Variants in AP3S1 observed in about 807,000 individuals in gnomAD.
AP3S1 encodes adaptor related protein complex 3 subunit sigma 1, also known as AP-3 complex subunit sigma-1.
Under a neutral mutation model 21.3 loss-of-function variants are expected in AP3S1, and 12 were observed. The ratio of observed to expected loss-of-function variants is 0.56; its 90% CI spans 0.36 to 0.91. The LOEUF (loss-of-function observed/expected upper bound fraction) is 0.91, where lower values mean the gene tolerates loss of function less well. Among genes scored for constraint, AP3S1 ranks in the 40% least tolerant of loss-of-function variants. The pLI is 0.01. For missense variants in AP3S1, 116 were observed against 225.0 expected (o/e 0.52, Z 3.10); for synonymous variants, 48 against 78.4 (o/e 0.61, Z 2.05).
intron 3 of AP3S1, among the ~76,000 whole-genome samples, chr5:115,887,806 A>T (rs913388617): frequency 6.6e-6 from 1 of 152,112 alleles, no homozygotes. Context: ...AGTACTAACT[A>T]CAAAGCTGTC....
intron 1 of AP3S1, among the ~76,000 whole-genome samples, chr5:115,859,436 C>T (rs1763017523): frequency 6.6e-6 from 1 of 152,150 alleles, no homozygotes. Context: ...TTTTAACAAC[C>T]TGATCATCTG....
In AP3S1 at chr5:115,878,096, A is replaced by G. The variant is rs181208855; in HGVS notation, c.273+7968A>G. ...TTTAAGTTCCTTGTAGATTCTGGAT[A>G]TTAGCCCTTTGTCAGATGGCTAGAT... is the stretch of plus-strand genomic sequence containing the variant. On this transcript the variant is annotated intron_variant, in intron 3 of 5. Coordinates refer to ENST00000316788, the MANE Select transcript of AP3S1 (RefSeq NM_001284.4). Among the ~76,000 whole-genome samples the G allele has an allele frequency of 7.2e-5, 11 of 152,298 alleles. No homozygotes were observed. In the East Asian group the frequency reaches 2.1e-3, roughly 29 times the overall value.
At chr5:115,885,239 A>G (rs1749677225) in intron 3 of AP3S1, among the ~76,000 whole-genome samples, 1 of 152,188 alleles carries the variant, frequency 6.6e-6, no homozygotes, top group Non-Finnish European at 1.5e-5. Flanking sequence ...TTTATTAGGG[A>G]GAATTGGCTC....
At chr5:115,862,022 C>T (rs550825843) in intron 1 of AP3S1, among the ~76,000 whole-genome samples, 6 of 151,834 alleles carry the variant, frequency 4.0e-5, no homozygotes, top group Admixed American at 6.6e-5. Flanking sequence ...TATTTAAGGG[C>T]GTGGTTCGGT....
chr5:115,854,377 TAGG>T (rs547774431), intron 1 of AP3S1, among the ~76,000 whole-genome samples: 60 of 152,254 alleles, frequency 3.9e-4, no homozygotes, highest in African/African-American at 1.3e-3. Context: ...TAAGAGAAAA[TAGG>T]AGAGAATTCT....
At chr5:115,865,074 C>G (rs1206863472) in intron 1 of AP3S1, among the ~76,000 whole-genome samples, 1 of 151,718 alleles carries the variant, frequency 6.6e-6, no homozygotes, top group Non-Finnish European at 1.5e-5. Context: ...AAAGTTATAT[C>G]AAGTATGCCT....
rs1304614343 is a variant in AP3S1 at position 115,884,426 on chromosome 5, A to G, written c.274-10661A>G. Reference sequence around the variant, plus strand: ...TAAAGATACAAAAAATTAGCCGGGCATGGTGGTGCGCGCCTGTAATCCCAG... The same window carrying G: ...TAAAGATACAAAAAATTAGCCGGGCGTGGTGGTGCGCGCCTGTAATCCCAG... On this transcript the variant is annotated intron_variant, in intron 3 of 5. Coordinates refer to ENST00000316788, the MANE Select transcript of AP3S1 (RefSeq NM_001284.4). Among the ~76,000 whole-genome samples the G allele has an allele frequency of 2.6e-5, 4 of 152,252 alleles. No homozygotes were observed. In the East Asian group the frequency reaches 7.7e-4, roughly 29 times the overall value.
At chr5:115,909,190 GTTGA>G (rs1272138993) in intron 5 of AP3S1, among the ~76,000 whole-genome samples, 1 of 152,090 alleles carries the variant, frequency 6.6e-6, no homozygotes, top group Non-Finnish European at 1.5e-5. Flanking sequence ...CTTCAAGAAA[GTTGA>G]TTGTTTATTG....
chr5:115,913,995 GT>G lies in AP3S1; in HGVS notation c.*508del. 1.6e-4 allele frequency: 1 copy of G among 6,304 alleles called. No individual in the cohort carries two copies. Among genetic ancestry groups the G allele is most frequent in the East Asian group, 2.4e-3 (1 of 424 alleles). The allele number at this position is 6,304 out of a possible 1,614,324, so 0.4% of individuals were successfully genotyped here. On this transcript the variant is annotated 3_prime_UTR_variant, in exon 6 of 6. Transcript: ENST00000316788. The stretch of plus-strand genomic sequence containing the variant: ...AACTGGACTTCTAAAGCACCTTTCT[GT>G]TTGCCTGATATCTACTTTAGCAATA...
chr5:115,904,567 CTA>C (rs2112576543), intron 5 of AP3S1, among the ~76,000 whole-genome samples: 1 of 152,202 alleles, frequency 6.6e-6, no homozygotes, highest in South Asian at 2.1e-4. Context: ...TCTTAACTAA[CTA>C]TATGTTTTGT....
intron 1 of AP3S1, among the ~76,000 whole-genome samples, chr5:115,861,375 A>G (rs1373093673): frequency 6.6e-6 from 1 of 152,174 alleles, no homozygotes; most frequent in Non-Finnish European, 1.5e-5. Flanking sequence ...TCTGGCTTAG[A>G]TTTTGGAGAA....
chr5:115,855,153 C>G (rs1366812692), intron 1 of AP3S1, among the ~76,000 whole-genome samples: 1 of 152,062 alleles, frequency 6.6e-6, no homozygotes, highest in African/African-American at 2.4e-5. Context: ...TCTCCTGCCT[C>G]AGCCTCCTGA....
At chr5:115,875,862 A>C (rs192199510) in intron 3 of AP3S1, among the ~76,000 whole-genome samples, 1 of 152,314 alleles carries the variant, frequency 6.6e-6, no homozygotes, top group Admixed American at 6.5e-5. Flanking sequence ...CAGGATTCCT[A>C]AAATTATTTT....
At chr5:115,869,375 G>A (rs1023487108) in intron 2 of AP3S1, among the ~76,000 whole-genome samples, 1 of 152,006 alleles carries the variant, frequency 6.6e-6, no homozygotes, top group Non-Finnish European at 1.5e-5. Context: ...GTAACTTACT[G>A]TGACGTATGG....
At chr5:115,903,074 C>G in intron 5 of AP3S1, 82 bp downstream of exon 5, 1 of 1,002,182 alleles carries the variant, frequency 1.0e-6, no homozygotes, top group Non-Finnish European at 1.5e-6. Flanking sequence ...CACTGTTTGT[C>G]CTTCAGTATC....
chr5:115,850,884 T>C (rs1762392924), intron 1 of AP3S1, among the ~76,000 whole-genome samples: 1 of 152,118 alleles, frequency 6.6e-6, no homozygotes, highest in African/African-American at 2.4e-5. Flanking sequence ...CAAGCAGGTT[T>C]GTGAAGGCAT....
chr5:115,871,003 C>A lies in AP3S1; in HGVS notation c.273+875C>A, dbSNP rs183143496. Among the ~76,000 whole-genome samples the A allele has an allele frequency of 9.5e-4, 144 of 152,312 alleles. 1 individual carries two copies. The South Asian group carries it at 0.01, about 11-fold the overall frequency. ...AAGAGGTCCAGATGATACCTGCACA[C>A]ACAGTGGATTAAATGACAGATGAGG... On this transcript the variant is annotated intron_variant, in intron 3 of 5. Transcript: ENST00000316788.
In AP3S1 at chr5:115,850,710, G is replaced by A. The variant is rs146321318; in HGVS notation, c.69+8604G>A. ...TCAAAATTTCCGTAATTTTTAAGGC[G>A]GAATAATATTTCATTGTATGTGTGT... On this transcript the variant is annotated intron_variant, in intron 1 of 5. Transcript: ENST00000316788. Among the ~76,000 whole-genome samples the A allele has an allele frequency of 8.7e-3, 1,325 of 152,180 alleles. 6 individuals are homozygous for A. Among genetic ancestry groups the A allele is most frequent in the Non-Finnish European group, 0.015 (1,038 of 68,018 alleles).
chr5:115,881,540 A>G (rs1008276762), intron 3 of AP3S1, among the ~76,000 whole-genome samples: 39 of 151,750 alleles, frequency 2.6e-4, no homozygotes, highest in African/African-American at 8.2e-4. Context: ...TTTCTGGCTT[A>G]CAAGCCAGCA....
Sources: allele counts gnomAD v4.1 joint callset (sites outside exome capture counted in the v4.1 genomes callset), GRCh38; gene constraint gnomAD v4.1.1; transcripts MANE v1.5; gene names NCBI Gene and HGNC (gene_info 2026-07-23, HGNC 2026-07-21).